The following NIPBL variants were observed in gnomAD, a reference collection of about 807,000 sequenced individuals.
NIPBL encodes the protein nipped-B-like protein.
In NIPBL, 19 loss-of-function variants were observed where a neutral mutation model predicts 321.8. That is an observed-to-expected ratio of 0.06 (90% confidence interval 0.04 to 0.09). The LOEUF is 0.09. NIPBL is among the 10% of genes least tolerant of loss of function. The pLI is 1.00. For synonymous variants in NIPBL, 1,106 were observed against 1,114.1 expected (o/e 0.99, Z 0.14); for missense variants, 2,210 against 3,327.0 (o/e 0.66, Z 8.26).
At chr5:36,884,970 T>G (rs1745779764) in intron 1 of NIPBL, among the ~76,000 whole-genome samples, 1 of 152,192 alleles carries the variant, frequency 6.6e-6, no homozygotes, top group Admixed American at 6.5e-5. Context: ...TTGTTCTGAT[T>G]CCTTAGGCAG....
chr5:36,935,011 T>C (rs1750052850), intron 1 of NIPBL, among the ~76,000 whole-genome samples: 1 of 152,140 alleles, frequency 6.6e-6, no homozygotes, highest in African/African-American at 2.4e-5. Context: ...CTTTTCCTCC[T>C]TGTAGCTTAA....
At chr5:37,027,450 A>G in intron 32 of NIPBL, 38 bp downstream of exon 32, 7 of 1,509,774 alleles carry the variant, frequency 4.6e-6, no homozygotes, top group Non-Finnish European at 6.4e-6. Flanking sequence ...CTAAAATTTA[A>G]TAGGTTAGTT....
chr5:36,951,226 C>T (rs967422933), intron 1 of NIPBL, among the ~76,000 whole-genome samples: 14 of 152,206 alleles, frequency 9.2e-5, no homozygotes, highest in African/African-American at 3.4e-4. Context: ...TAACTAAATA[C>T]ATAGTCATTT....
chr5:37,019,474 C>A, intron 25 of NIPBL, 74 bp downstream of exon 25: 1 of 1,053,738 alleles, frequency 9.5e-7, no homozygotes, highest in Non-Finnish European at 1.5e-6. Flanking sequence ...TGGGAGGTAG[C>A]ATGATGAAGA....
rs1747785966 is a variant in NIPBL at position 36,908,209 on chromosome 5, T to C, written c.-80+31031T>C. Among the ~76,000 whole-genome samples the C allele has an allele frequency of 2.0e-5, 3 of 152,150 alleles. No homozygotes were observed. In the South Asian group the frequency reaches 6.2e-4, roughly 31 times the overall value. On this transcript the variant is annotated intron_variant, in intron 1 of 46. Coordinates refer to ENST00000282516, the MANE Select transcript of NIPBL (RefSeq NM_133433.4). ...AAAGACAATCTTTTGGGGAAAAAAC[T>C]CTTTTTTGAGGATAAAGAGATGAGA...
rs554822107 is a variant in NIPBL, at chr5:37,001,364, G to T, written c.3664+286G>T. Among the ~76,000 whole-genome samples the T allele has an allele frequency of 2.0e-5, 3 of 152,198 alleles. No homozygotes were observed. The South Asian group carries it at 6.2e-4, about 31-fold the overall frequency. Reference sequence around the variant, plus strand: ...GTGCTATCAAGAAACTTGAAATCTAGTTGTAAAGTCAAATCTAGTCTGTTA... The same window carrying T: ...GTGCTATCAAGAAACTTGAAATCTATTTGTAAAGTCAAATCTAGTCTGTTA... On this transcript the variant is annotated intron_variant, in intron 14 of 46. Coordinates refer to ENST00000282516, the MANE Select transcript of NIPBL (RefSeq NM_133433.4).
At chr5:37,006,021 T>C (rs2149676240) in intron 16 of NIPBL, among the ~76,000 whole-genome samples, 1 of 152,234 alleles carries the variant, frequency 6.6e-6, no homozygotes, top group Admixed American at 6.5e-5. Context: ...ATAATGTTTA[T>C]ACCCAAAACA....
intron 31 of NIPBL, among the ~76,000 whole-genome samples, chr5:37,027,115 C>T (rs142655500): frequency 9.5e-4 from 144 of 152,196 alleles, no homozygotes; most frequent in Middle Eastern, 3.4e-3. Flanking sequence ...CCACTTTAAA[C>T]ATTTAGTGCC....
chr5:36,909,385 ATCT>A (rs1425921595), intron 1 of NIPBL, among the ~76,000 whole-genome samples: 1 of 152,234 alleles, frequency 6.6e-6, no homozygotes, highest in Non-Finnish European at 1.5e-5. Flanking sequence ...AGATCTTTGA[ATCT>A]TCTTATTTTG....
At chr5:36,975,402 A>G (rs571635307) in intron 8 of NIPBL, among the ~76,000 whole-genome samples, 1 of 152,282 alleles carries the variant, frequency 6.6e-6, no homozygotes, top group South Asian at 2.1e-4. Context: ...CAGATAGTCC[A>G]TGAAAGAACA....
chr5:36,989,968 T>G (rs1745305256), intron 10 of NIPBL, among the ~76,000 whole-genome samples: 1 of 151,348 alleles, frequency 6.6e-6, no homozygotes, highest in African/African-American at 2.4e-5. Flanking sequence ...AACTCCAGAG[T>G]GTCTCAAAAT....
At chr5:37,062,938 A>G (rs1163432797) in intron 45 of NIPBL, among the ~76,000 whole-genome samples, 1 of 152,186 alleles carries the variant, frequency 6.6e-6, no homozygotes, top group African/African-American at 2.4e-5. Context: ...AAGAAAAAAA[A>G]AAAGGGTTAA....
At chr5:36,975,352 C>T (rs1015071031) in intron 8 of NIPBL, among the ~76,000 whole-genome samples, 3 of 152,004 alleles carry the variant, frequency 2.0e-5, no homozygotes, top group Non-Finnish European at 2.9e-5. Context: ...TTAACAAAAG[C>T]GTACTTATTC....
At chr5:36,967,992 A>T (rs1742396647) in intron 6 of NIPBL, among the ~76,000 whole-genome samples, 1 of 146,992 alleles carries the variant, frequency 6.8e-6, no homozygotes. Flanking sequence ...AGCTATTTGG[A>T]GGCTGAGGTG....
intron 21 of NIPBL, among the ~76,000 whole-genome samples, chr5:37,012,589 A>G (rs1296564749): frequency 2.0e-5 from 3 of 151,468 alleles, no homozygotes; most frequent in Non-Finnish European, 2.9e-5. Context: ...TGGTTTTCCT[A>G]GGCAGAGGAC....
At chr5:37,042,813 G>A (rs1444566927) in intron 34 of NIPBL, among the ~76,000 whole-genome samples, 20 of 148,300 alleles carry the variant, frequency 1.3e-4, no homozygotes, top group Admixed American at 4.7e-4. Flanking sequence ...ATGACAGAGC[G>A]AGACTCCGTC....
At chr5:36,982,857 C>T (rs963835775) in intron 9 of NIPBL, among the ~76,000 whole-genome samples, 3 of 151,786 alleles carry the variant, frequency 2.0e-5, no homozygotes, top group Non-Finnish European at 4.4e-5. Flanking sequence ...AGACCTATGT[C>T]GTTGTGTATC....
intron 1 of NIPBL, among the ~76,000 whole-genome samples, chr5:36,910,564 G>T (rs1305076378): frequency 6.6e-6 from 1 of 152,074 alleles, no homozygotes; most frequent in African/African-American, 2.4e-5. Flanking sequence ...GATTATTATA[G>T]TAGCCTGTGA....
chr5:36,946,543 AGTGTGT>A (rs551130099), intron 1 of NIPBL, among the ~76,000 whole-genome samples: 2 of 150,734 alleles, frequency 1.3e-5, no homozygotes, highest in African/African-American at 4.9e-5. Flanking sequence ...GCTCAAAAAC[AGTGTGT>A]GTGTGTGTAT....
Sources: allele counts gnomAD v4.1 joint callset (sites outside exome capture counted in the v4.1 genomes callset), GRCh38; gene constraint gnomAD v4.1.1; transcripts MANE v1.5; gene names NCBI Gene and HGNC (gene_info 2026-07-23, HGNC 2026-07-21).